GPR83: variants seen among roughly 807,000 people sequenced by gnomAD.
The protein encoded by GPR83 is G protein-coupled receptor 83.
Under a neutral mutation model 28.0 loss-of-function variants are expected in GPR83, and 23 were observed. The ratio of observed to expected loss-of-function variants is 0.82; its 90% CI spans 0.59 to 1.16. The LOEUF (loss-of-function observed/expected upper bound fraction) is 1.16, where lower values mean the gene tolerates loss of function less well. Ranked by LOEUF, GPR83 falls within the 50% of genes most tolerant of loss-of-function variation. The pLI is 0.00. For synonymous variants in GPR83, 234 were observed against 215.4 expected, an observed-to-expected ratio of 1.09 and a Z score of -0.76; for missense variants, 610 against 536.6, an observed-to-expected ratio of 1.14 and a Z score of -1.35.
In GPR83 at chr11:94,396,537, C is replaced by G. The variant is rs745693778; in HGVS notation, c.388-13G>C. 2.5e-6 allele frequency: 4 copies of G among 1,612,782 alleles called. No homozygotes were observed. The South Asian group carries it at 4.4e-5, about 18-fold the overall frequency. ...TCACAAAGCGAACCTGGAGATGAGC[C>G]CAAAGATGTTAGGAGACAGACAGGC... On this transcript the variant is annotated splice_polypyrimidine_tract_variant and intron_variant, in intron 1 of 3. Transcript: ENST00000243673.
intron 1 of GPR83, among the ~76,000 whole-genome samples, chr11:94,397,197 C>G (rs922782088): frequency 6.6e-6 from 1 of 152,156 alleles, no homozygotes; most frequent in Admixed American, 6.5e-5. Context: ...GGAGAGAAGA[C>G]AAGCTCCCCA....
At position 94,384,876 on chromosome 11, in the gene GPR83, G is replaced by C. The variant is rs540584436; in HGVS notation, c.648-4103C>G. 2.4e-3 allele frequency among the ~76,000 whole-genome samples: 359 copies of C among 152,312 alleles called. 1 individual carries two copies. Among genetic ancestry groups the C allele is most frequent in the Non-Finnish European group, 4.5e-3 (305 of 68,032 alleles). ...GTGGTTCTCCCAGCATGCAGCTTGA[G>C]ATCTGAGAACGGATAGACTGTCCTC... On this transcript the variant is annotated intron_variant, in intron 3 of 3. Transcript: ENST00000243673.
At chr11:94,388,709 G>T (rs1411740500) in intron 3 of GPR83, among the ~76,000 whole-genome samples, 1 of 152,184 alleles carries the variant, frequency 6.6e-6, no homozygotes, top group Non-Finnish European at 1.5e-5. Flanking sequence ...CCATGCTCGT[G>T]GGTAGGAAGA....
rs553494946 is a variant in GPR83 at position 94,401,002 on chromosome 11, A to T, written c.246T>A (p.Ile82=). ...GGACGTTGCCAAAGAGTGAGAAGAC[A>T]ATGATGAAGGAGTAAGCCACAATGA... ...ALLIVAYSFI[I]VFSLFGNVLV... Residue 82 remains isoleucine (I), a synonymous_variant, in exon 1 of 4, where the codon ATT becomes ATA. Coordinates refer to ENST00000243673, the MANE Select transcript of GPR83 (RefSeq NM_016540.4). 7.4e-6 allele frequency: 12 copies of T among 1,614,174 alleles called. No individual in the cohort carries two copies. In the East Asian group the frequency reaches 2.2e-4, roughly 30 times the overall value.
chr11:94,383,684 G>A (rs116422683), intron 3 of GPR83, among the ~76,000 whole-genome samples: 4,630 of 152,176 alleles, frequency 0.03, 239 homozygotes, highest in African/African-American at 0.11. Flanking sequence ...TACAAACTCC[G>A]ATCACAGAAT....
Position 94,380,560 on chromosome 11 carries a change from CTT to C in GPR83, c.859_860del (p.Lys287GlufsTer54), listed in dbSNP as rs1565183195. On this transcript the variant is annotated frameshift_variant, in exon 4 of 4. Transcript: ENST00000243673. LOFTEE classifies it high-confidence loss of function. ...GCATCAACATCTTGATGGTCTTCTT[CTT>C]TTTGCGCCGCAGGGCAAAGTACTGC... is the stretch of plus-strand genomic sequence containing the variant. Reference protein sequence around the residue: ...TEQYFALRRKKKKTIKMLMLV... With the variant: ...TEQYFALRRKXKKTIKMLMLV... 2.5e-6 allele frequency: 4 copies of C among 1,614,162 alleles called. No individual in the cohort carries two copies. The highest frequency in any genetic ancestry group is 3.4e-6 in the Non-Finnish European group (4 of 1,180,026).
rs1205404805 is a variant in GPR83, at chr11:94,378,858, T to C, written c.*1291A>G. 6.6e-6 allele frequency: 1 copy of C among 152,160 alleles called. No individual in the cohort carries two copies. Among genetic ancestry groups the C allele is most frequent in the Non-Finnish European group, 1.5e-5 (1 of 68,016 alleles). The allele number at this position is 152,160 out of a possible 1,614,324, so 9.4% of individuals were successfully genotyped here. A position where few individuals can be genotyped will look rare whatever the true frequency, so the allele number is the denominator to read the frequency against. ...GGAGAGAAGGAATCATGCCTCCTGG[T>C]TGAGTTTGATTCCCTGGTTCATCTT... On this transcript the variant is annotated 3_prime_UTR_variant, in exon 4 of 4. Coordinates refer to ENST00000243673, the MANE Select transcript of GPR83 (RefSeq NM_016540.4).
In GPR83 at chr11:94,395,314, G is replaced by A. The variant is rs577697989; in HGVS notation, c.513+1085C>T. On this transcript the variant is annotated intron_variant, in intron 2 of 3. Coordinates refer to ENST00000243673, the MANE Select transcript of GPR83 (RefSeq NM_016540.4). ...ACTGTATCTTTGAATCTGCATCTTT[G>A]AAGCCTCCTATCCCGTGGTCCTTGC... Among the ~76,000 whole-genome samples, 7 of 152,282 alleles carry A rather than the reference G, an allele frequency of 4.6e-5. No individual in the cohort carries two copies. The South Asian group carries it at 1.4e-3, about 32-fold the overall frequency.
Position 94,380,305 on chromosome 11 carries a change from G to C in GPR83, c.1116C>G (p.Asp372Glu), listed in dbSNP as rs1340403534. The part of the protein sequence containing the change: ...MCQRPPKPQE[D>E]RPPSPVPSFR... The stretch of plus-strand genomic sequence containing the variant: ...AGGAAGGAACTGGGGAGGGTGGCCT[G>C]TCCTCCTGAGGCTTGGGAGGTCTTT... The change falls in exon 4 of 4, where the codon GAC becomes GAG. Residue 372 changes from aspartate (D) to glutamate (E), a missense_variant. Transcript: ENST00000243673. The C allele has an allele frequency of 1.2e-6, 2 of 1,604,892 alleles. No individual in the cohort carries two copies. Among genetic ancestry groups the C allele is most frequent in the Non-Finnish European group, 1.7e-6 (2 of 1,174,370 alleles).
chr11:94,391,198 C>T (rs1485045229), intron 3 of GPR83, among the ~76,000 whole-genome samples: 1 of 152,106 alleles, frequency 6.6e-6, no homozygotes, highest in African/African-American at 2.4e-5. Flanking sequence ...ATTTTTGACA[C>T]ACCTGACACA....
chr11:94,380,854 T>C (rs1281671329), intron 3 of GPR83, 81 bp from the exon 4 acceptor site: 1 of 1,256,880 alleles, frequency 8.0e-7, no homozygotes, highest in African/African-American at 1.5e-5. Context: ...CAAGAAGCAC[T>C]GGCCTCTCCT....
rs893832559 is a variant in GPR83, at chr11:94,383,179, A to G, written c.648-2406T>C. On this transcript the variant is annotated intron_variant, in intron 3 of 3. Transcript: ENST00000243673. Reference sequence around the variant, plus strand: ...CAAAAAAAGAAAAAAAAAAAAAGAAACTCACTCAAAACCACACAACTACAT... The same window carrying G: ...CAAAAAAAGAAAAAAAAAAAAAGAAGCTCACTCAAAACCACACAACTACAT... Among the ~76,000 whole-genome samples the G allele has an allele frequency of 2.0e-5, 3 of 151,880 alleles. No individual in the cohort carries two copies. In the South Asian group the frequency reaches 6.3e-4, roughly 32 times the overall value.
chr11:94,392,126 T>C (rs566548685), intron 3 of GPR83, among the ~76,000 whole-genome samples: 37 of 152,208 alleles, frequency 2.4e-4, no homozygotes, highest in African/African-American at 8.7e-4. Context: ...ACATACACCA[T>C]GGAATACTAT....
chr11:94,389,324 G>C lies in GPR83; in HGVS notation c.647+4161C>G, dbSNP rs573519055. 2.5e-4 allele frequency among the ~76,000 whole-genome samples: 38 copies of C among 152,290 alleles called. 1 individual carries two copies. Among genetic ancestry groups the C allele is most frequent in the African/African-American group, 8.9e-4 (37 of 41,568 alleles). On this transcript the variant is annotated intron_variant, in intron 3 of 3. Transcript: ENST00000243673. ...GCAACAAAAGCCAAAATTGACAAATGGGATCTAATTAAACTAAAGAGCTTC... is the reference window on the plus strand; with the variant it reads ...GCAACAAAAGCCAAAATTGACAAATCGGATCTAATTAAACTAAAGAGCTTC...
At chr11:94,395,540 G>A (rs1944857743) in intron 2 of GPR83, among the ~76,000 whole-genome samples, 1 of 152,182 alleles carries the variant, frequency 6.6e-6, no homozygotes, top group Admixed American at 6.5e-5. Context: ...AGCTACATAT[G>A]CACTTTCCTG....
chr11:94,391,951 G>A (rs1338310976), intron 3 of GPR83, among the ~76,000 whole-genome samples: 1 of 152,112 alleles, frequency 6.6e-6, no homozygotes, highest in Non-Finnish European at 1.5e-5. Context: ...AATACCATTT[G>A]ACCCAGCAAT....
chr11:94,395,318 C>T (rs1045564201), intron 2 of GPR83, among the ~76,000 whole-genome samples: 3 of 152,202 alleles, frequency 2.0e-5, no homozygotes, highest in African/African-American at 4.8e-5. Flanking sequence ...ATCTTTGAAG[C>T]CTCCTATCCC....
intron 3 of GPR83, among the ~76,000 whole-genome samples, chr11:94,383,440 G>A (rs1944714510): frequency 6.6e-6 from 1 of 152,036 alleles, no homozygotes; most frequent in African/African-American, 2.4e-5. Context: ...AGAAGCAACA[G>A]CAAACAAATT....
chr11:94,383,226 G>C (rs906620842), intron 3 of GPR83, among the ~76,000 whole-genome samples: 85 of 151,304 alleles, frequency 5.6e-4, no homozygotes, highest in Non-Finnish European at 1.2e-4. Context: ...AACCAGCTAC[G>C]AAATGCCTAC....
Sources: gnomAD v4.1 joint callset for allele counts (sites outside exome capture counted in the v4.1 genomes callset) on GRCh38, gnomAD v4.1.1 for gene constraint, MANE v1.5 for transcripts, NCBI Gene and HGNC (gene_info 2026-07-23, HGNC 2026-07-21) for gene names.